CLASP1: variants seen among roughly 807,000 people sequenced by gnomAD.
The protein encoded by CLASP1 is CLIP-associating protein 1.
Under a neutral mutation model 192.3 loss-of-function variants are expected in CLASP1, and 38 were observed. That is an observed-to-expected ratio of 0.20 (90% CI 0.15 to 0.26). The LOEUF (loss-of-function observed/expected upper bound fraction) is 0.26. Ranked by LOEUF, CLASP1 falls within the 10% of genes least tolerant of loss-of-function variation. The pLI, the probability that CLASP1 is intolerant of heterozygous loss-of-function variation, is 1.00. For synonymous variants in CLASP1, 691 were observed against 712.8 expected, an observed-to-expected ratio of 0.97 and a Z score of 0.49; for missense variants, 1,433 against 1,932.5, an observed-to-expected ratio of 0.74 and a Z score of 4.85.
intron 2 of CLASP1, among the ~76,000 whole-genome samples, chr2:121,585,849 G>A (rs7590629): frequency 1.2e-3 from 172 of 149,372 alleles, no homozygotes; most frequent in African/African-American, 3.9e-3. Context: ...GCAGTGAGCC[G>A]AGATCGTGCC....
chr2:121,642,958 G>T (rs944763524), intron 1 of CLASP1, among the ~76,000 whole-genome samples: 2 of 152,128 alleles, frequency 1.3e-5, no homozygotes, highest in African/African-American at 4.8e-5. Context: ...TTCCTCCACT[G>T]GTCTCTCAAC....
At chr2:121,406,236 G>A (rs1270811915) in intron 25 of CLASP1, among the ~76,000 whole-genome samples, 1 of 152,064 alleles carries the variant, frequency 6.6e-6, no homozygotes, top group African/African-American at 2.4e-5. Context: ...TACTTTTTTG[G>A]TATGTGTAAT....
At chr2:121,435,809 GT>G (rs2082199428) in intron 19 of CLASP1, among the ~76,000 whole-genome samples, 1 of 152,106 alleles carries the variant, frequency 6.6e-6, no homozygotes, top group Admixed American at 6.5e-5. Context: ...GCAGTTTTAA[GT>G]TTTAAGATTC....
At chr2:121,375,433 G>A (rs894645080) in intron 34 of CLASP1, among the ~76,000 whole-genome samples, 5 of 145,060 alleles carry the variant, frequency 3.4e-5, no homozygotes, top group South Asian at 2.2e-4. Flanking sequence ...GCACGATCTC[G>A]GCTCACTGCA....
At position 121,639,881 on chromosome 2, in the gene CLASP1, A is replaced by C. The variant is rs938058180; in HGVS notation, c.-286+9491T>G. Among the ~76,000 whole-genome samples the C allele has an allele frequency of 3.3e-5, 5 of 151,754 alleles. No homozygotes were observed. The South Asian group carries it at 1.0e-3, about 32-fold the overall frequency. ...TCCATCTCAAAAAAAAAAAAAAAAA[A>C]AGGATTATAAATCACGCTACTATAA... is the stretch of plus-strand genomic sequence containing the variant. On this transcript the variant is annotated intron_variant, in intron 1 of 39. Coordinates refer to ENST00000263710, the Ensembl canonical transcript of CLASP1.
At chr2:121,563,420 G>C (rs1313799962) in intron 2 of CLASP1, among the ~76,000 whole-genome samples, 1 of 152,180 alleles carries the variant, frequency 6.6e-6, no homozygotes, top group Admixed American at 6.5e-5. Context: ...TCTGGATTGA[G>C]CATCACCTCT....
At chr2:121,522,422 TC>T (rs1409876151) in intron 6 of CLASP1, among the ~76,000 whole-genome samples, 2 of 152,178 alleles carry the variant, frequency 1.3e-5, no homozygotes, top group Non-Finnish European at 2.9e-5. Context: ...GCCTAGGGCT[TC>T]CTGGCACAAA....
intron 18 of CLASP1, among the ~76,000 whole-genome samples, chr2:121,448,065 G>A (rs372588480): frequency 3.9e-5 from 6 of 152,360 alleles, no homozygotes; most frequent in African/African-American, 9.6e-5. Context: ...TCATTCCTAA[G>A]TCACCCCGTC....
Position 121,439,418 on chromosome 2 carries a change from T to G in CLASP1, c.1912+7919A>C, listed in dbSNP as rs570421691. ...TTTTCTAGTTCTTTTAATTGTGATGTTAGGGTGTCAATTTTGGATCTTTCC... is the reference window on the plus strand; with the variant it reads ...TTTTCTAGTTCTTTTAATTGTGATGGTAGGGTGTCAATTTTGGATCTTTCC... On this transcript the variant is annotated intron_variant, in intron 19 of 39. Coordinates refer to ENST00000263710, the Ensembl canonical transcript of CLASP1. 3.9e-5 allele frequency among the ~76,000 whole-genome samples: 6 copies of G among 152,134 alleles called. No individual in the cohort carries two copies. The South Asian group carries it at 1.0e-3, about 26-fold the overall frequency.
chr2:121,546,570 G>A (rs778046041), intron 2 of CLASP1, among the ~76,000 whole-genome samples: 11 of 151,950 alleles, frequency 7.2e-5, no homozygotes, highest in South Asian at 2.1e-4. Flanking sequence ...ATGGGACCCC[G>A]GGAACCACGC....
chr2:121,350,437 G>T lies in CLASP1; in HGVS notation c.4207-1719C>A, dbSNP rs1573604466. Among the ~76,000 whole-genome samples the T allele has an allele frequency of 2.0e-5, 3 of 152,318 alleles. No individual in the cohort carries two copies. In the South Asian group the frequency reaches 6.2e-4, roughly 32 times the overall value. On this transcript the variant is annotated intron_variant, in intron 37 of 39. Coordinates refer to ENST00000263710, the Ensembl canonical transcript of CLASP1. ...GAGCTGTGTAGCAGACAGGCCCAGG[G>T]CTGGGCTCAGAGGCCATATAAACTG...
intron 22 of CLASP1, 75 bp from the exon 23 acceptor site, chr2:121,418,804 T>C: frequency 2.8e-6 from 3 of 1,062,088 alleles, no homozygotes; most frequent in Non-Finnish European, 4.4e-6. Context: ...AAAATGTCAG[T>C]CACATTTGGT....
chr2:121,458,719 A>C, intron 13 of CLASP1, 121 bp downstream of exon 13: 1 of 745,224 alleles, frequency 1.3e-6, no homozygotes, highest in Non-Finnish European at 2.0e-6. Flanking sequence ...AAATTCCAAT[A>C]TAATTATGCT....
intron 2 of CLASP1, among the ~76,000 whole-genome samples, chr2:121,560,880 G>A (rs2059018601): frequency 6.6e-6 from 1 of 152,104 alleles, no homozygotes; most frequent in South Asian, 2.1e-4. Context: ...GATTACAGGA[G>A]CCTGCCACCA....
chr2:121,401,694 G>A (rs1186622541), intron 27 of CLASP1, 22 bp from the exon 29 acceptor site: 2 of 1,595,472 alleles, frequency 1.3e-6, no homozygotes, highest in East Asian at 4.5e-5. Context: ...TGAAAACCAA[G>A]TAGTTCACAT....
chr2:121,428,023 G>T (rs886263935), intron 20 of CLASP1, among the ~76,000 whole-genome samples: 3 of 152,090 alleles, frequency 2.0e-5, no homozygotes, highest in Non-Finnish European at 2.9e-5. Context: ...TAAGCTTAAG[G>T]TATAGGCTTG....
intron 2 of CLASP1, among the ~76,000 whole-genome samples, chr2:121,598,927 G>A (rs2063455045): frequency 1.3e-5 from 2 of 152,148 alleles, no homozygotes; most frequent in South Asian, 4.1e-4. Context: ...GTGCAGTGGT[G>A]CAACCTCAGC....
At chr2:121,603,053 CTCT>C (rs1297460429) in intron 2 of CLASP1, 1 of 151,904 alleles carries the variant, frequency 6.6e-6, no homozygotes, top group Non-Finnish European at 1.5e-5. Flanking sequence ...CAAATTACTC[CTCT>C]GACAGGAGAC....
intron 19 of CLASP1, among the ~76,000 whole-genome samples, chr2:121,443,814 G>A (rs562941254): frequency 6.6e-5 from 10 of 152,112 alleles, no homozygotes; most frequent in African/African-American, 2.4e-4. Flanking sequence ...AAGAAACACT[G>A]CTCTTGGGAT....
Sources: gnomAD v4.1 joint callset for allele counts (sites outside exome capture counted in the v4.1 genomes callset) on GRCh38, gnomAD v4.1.1 for gene constraint, MANE v1.5 for transcripts, NCBI Gene and HGNC (gene_info 2026-07-23, HGNC 2026-07-21) for gene names.